Variants in ROBO2 observed in about 807,000 individuals in gnomAD.
The protein encoded by ROBO2 is roundabout homolog 2.
In ROBO2, 53 loss-of-function variants were observed where a neutral mutation model predicts 160.8. The ratio of observed to expected loss-of-function variants is 0.33; its 90% CI spans 0.26 to 0.41. ROBO2 has a LOEUF of 0.41. Ranked by LOEUF, ROBO2 falls within the 10% of genes least tolerant of loss-of-function variation. The pLI is 1.00. For missense variants in ROBO2, 1,577 were observed against 1,722.4 expected (o/e 0.92, Z 1.49); for synonymous variants, 664 against 611.7 (o/e 1.09, Z -1.26).
intron 2 of ROBO2, among the ~76,000 whole-genome samples, chr3:75,994,816 C>G (rs978475859): frequency 6.6e-6 from 1 of 152,110 alleles, no homozygotes; most frequent in Non-Finnish European, 1.5e-5. Flanking sequence ...CTTGGAACTT[C>G]CTAGAGACTT....
At chr3:76,846,606 C>A (rs1187360635) in intron 2 of ROBO2, among the ~76,000 whole-genome samples, 5 of 152,052 alleles carry the variant, frequency 3.3e-5, no homozygotes, top group Non-Finnish European at 7.4e-5. Context: ...GTTGTCTGGG[C>A]TAGAAGTGGT....
intron 2 of ROBO2, among the ~76,000 whole-genome samples, chr3:76,498,464 CAAAT>C (rs1306227156): frequency 3.3e-5 from 5 of 151,770 alleles, no homozygotes; most frequent in Non-Finnish European, 5.9e-5. Flanking sequence ...ATTATCACCA[CAAAT>C]AAATAAATAA....
At chr3:77,119,587 A>G (rs978404834) in intron 2 of ROBO2, among the ~76,000 whole-genome samples, 6 of 152,236 alleles carry the variant, frequency 3.9e-5, no homozygotes, top group Non-Finnish European at 5.9e-5. Context: ...CACGGAAGTA[A>G]AATCTCCAGA....
At chr3:76,826,018 A>G (rs2066558791) in intron 2 of ROBO2, among the ~76,000 whole-genome samples, 1 of 150,592 alleles carries the variant, frequency 6.6e-6, no homozygotes, top group Admixed American at 6.6e-5. Context: ...AATCAAAAGC[A>G]TTCTTTTAGG....
chr3:76,425,683 A>G (rs1409144527), intron 2 of ROBO2, among the ~76,000 whole-genome samples: 2 of 152,010 alleles, frequency 1.3e-5, no homozygotes, highest in African/African-American at 4.8e-5. Context: ...GACTTTCCTC[A>G]TAGACTATGA....
chr3:77,332,084 GA>G (rs1161489906), intron 2 of ROBO2, among the ~76,000 whole-genome samples: 1 of 152,156 alleles, frequency 6.6e-6, no homozygotes, highest in East Asian at 1.9e-4. Context: ...TAAAAACTCT[GA>G]AATGGCTTGA....
At chr3:77,285,883 T>G (rs2153378968) in intron 2 of ROBO2, among the ~76,000 whole-genome samples, 1 of 152,318 alleles carries the variant, frequency 6.6e-6, no homozygotes, top group South Asian at 2.1e-4. Flanking sequence ...TTATTTATTT[T>G]TGAAAAGATA....
chr3:76,996,444 T>A (rs1370730706), intron 2 of ROBO2, among the ~76,000 whole-genome samples: 4 of 152,308 alleles, frequency 2.6e-5, no homozygotes, highest in Middle Eastern at 3.4e-3. Flanking sequence ...GGCTCTTTTT[T>A]GGTTCCATAT....
chr3:77,557,910 T>C, intron 8 of ROBO2, 34 bp from the exon 10 acceptor site: 1 of 1,469,034 alleles, frequency 6.8e-7, no homozygotes, highest in Non-Finnish European at 9.1e-7. Flanking sequence ...ACTACATTGA[T>C]GTTAAAATAC....
intron 2 of ROBO2, among the ~76,000 whole-genome samples, chr3:76,279,834 T>C (rs1708137794): frequency 6.6e-6 from 1 of 151,904 alleles, no homozygotes; most frequent in Admixed American, 6.6e-5. Flanking sequence ...TTGACTATGA[T>C]CCCTAATATA....
rs71104693 is a variant in ROBO2 at position 77,584,892 on chromosome 3, A to ATGTGTGTGTGTG, written c.2501-3851_2501-3840dup. ...CACTTAAGAAGTTATATATATATGT[A>ATGTGTGTGTGTG]TGTGTGTGTGTGTGTGTGTATACAC... On this transcript the variant is annotated intron_variant, in intron 16 of 25. Transcript: ENST00000461745. Among the ~76,000 whole-genome samples the ATGTGTGTGTGTG allele has an allele frequency of 2.3e-3, 346 of 147,340 alleles. 2 individuals carry two copies. Among genetic ancestry groups the ATGTGTGTGTGTG allele is most frequent in the African/African-American group, 8.1e-3 (328 of 40,400 alleles).
At chr3:76,891,852 A>C (rs1236611892) in intron 2 of ROBO2, among the ~76,000 whole-genome samples, 1 of 152,202 alleles carries the variant, frequency 6.6e-6, no homozygotes, top group Admixed American at 6.5e-5. Flanking sequence ...TTAGTTTTGT[A>C]ACATTTAGAG....
At chr3:76,508,826 C>G (rs2080931023) in intron 2 of ROBO2, among the ~76,000 whole-genome samples, 1 of 152,134 alleles carries the variant, frequency 6.6e-6, no homozygotes, top group Non-Finnish European at 1.5e-5. Flanking sequence ...TATATGAACT[C>G]TCAGTGAATT....
rs78355379 is a variant in ROBO2, at chr3:76,142,852, A to G, written c.109+205250A>G. Among the ~76,000 whole-genome samples, 888 of 152,106 alleles carry G rather than the reference A, an allele frequency of 5.8e-3. 17 individuals are homozygous for G. The East Asian group carries it at 0.068, about 12-fold the overall frequency. ...ATAGATGCTTGAGGGATGAATACCT[A>G]TTCTCCATGTGATGTGCTTATTTCA... On this transcript the variant is annotated intron_variant, in intron 2 of 26. Coordinates refer to the ROBO2 transcript ENST00000487694.
At chr3:77,185,806 C>CAT (rs35513605) in intron 2 of ROBO2, among the ~76,000 whole-genome samples, 14,495 of 150,952 alleles carry the variant, frequency 0.096, 918 homozygotes, top group African/African-American at 0.18. Context: ...GTGATACACA[C>CAT]ATATATATAT....
chr3:76,656,915 T>A (rs1261960335), intron 2 of ROBO2, among the ~76,000 whole-genome samples: 1 of 152,170 alleles, frequency 6.6e-6, no homozygotes, highest in Non-Finnish European at 1.5e-5. Flanking sequence ...AGTCTTTAAC[T>A]GGCTGTCTAT....
chr3:76,522,503 A>T (rs952897708), intron 2 of ROBO2, among the ~76,000 whole-genome samples: 9 of 152,330 alleles, frequency 5.9e-5, no homozygotes, highest in South Asian at 4.1e-4. Flanking sequence ...ATACAAACAG[A>T]CAAGTTCTTT....
chr3:76,668,604 T>G (rs915507299), intron 2 of ROBO2, among the ~76,000 whole-genome samples: 1 of 152,226 alleles, frequency 6.6e-6, no homozygotes, highest in African/African-American at 2.4e-5. Flanking sequence ...CACCCAAAGT[T>G]TGAAATAAGA....
At chr3:76,440,448 T>C (rs1283907858) in intron 2 of ROBO2, among the ~76,000 whole-genome samples, 1 of 150,658 alleles carries the variant, frequency 6.6e-6, no homozygotes, top group Non-Finnish European at 1.5e-5. Flanking sequence ...CCCCTCCCTG[T>C]AAAAGTACTT....
Sources: gnomAD v4.1 joint callset for allele counts (sites outside exome capture counted in the v4.1 genomes callset) on GRCh38, gnomAD v4.1.1 for gene constraint, MANE v1.5 for transcripts, NCBI Gene and HGNC (gene_info 2026-07-23, HGNC 2026-07-21) for gene names.